HMG20A: variants seen among roughly 807,000 people sequenced by gnomAD.
The protein encoded by HMG20A is high mobility group 20A.
In HMG20A, 17 loss-of-function variants were observed where a neutral mutation model predicts 43.9. That is an observed-to-expected ratio of 0.39 (90% CI 0.27 to 0.58). The LOEUF (loss-of-function observed/expected upper bound fraction) is 0.58, where lower values mean the gene tolerates loss of function less well. HMG20A is among the 20% of genes least tolerant of loss of function. The probability of loss-of-function intolerance (pLI) is 0.59; values close to 1 mark genes in which losing one functional copy is unlikely to be tolerated. For synonymous variants in HMG20A, 132 were observed against 147.5 expected, an observed-to-expected ratio of 0.89 and a Z score of 0.76; for missense variants, 341 against 438.2, an observed-to-expected ratio of 0.78 and a Z score of 1.98.
the HMG20A span, among the ~76,000 whole-genome samples, chr15:77,499,081 C>T: frequency 6.6e-6 from 1 of 152,200 alleles, no homozygotes; most frequent in Non-Finnish European, 1.5e-5. Context: ...AGCTCTCAAT[C>T]TCCAAGTCTC....
At chr15:77,494,834 G>A in the HMG20A span, among the ~76,000 whole-genome samples, 4 of 152,218 alleles carry the variant, frequency 2.6e-5, no homozygotes, top group Non-Finnish European at 4.4e-5. Flanking sequence ...ACTCTAGCCT[G>A]AACACTGGTG....
intron 8 of HMG20A, 144 bp from the exon 9 acceptor site, chr15:77,479,035 C>A (rs763213715): frequency 1.3e-6 from 1 of 747,952 alleles, no homozygotes; most frequent in South Asian, 1.6e-5. Context: ...AATTTCATTT[C>A]TTTGAGATCT....
chr15:77,506,074 A>C, the HMG20A span, among the ~76,000 whole-genome samples: 1 of 112,602 alleles, frequency 8.9e-6, no homozygotes, highest in African/African-American at 5.3e-5. Flanking sequence ...TAGAGTTAGC[A>C]AAAAAAAAAA....
chr15:77,505,865 A>G, the HMG20A span, among the ~76,000 whole-genome samples: 21 of 152,318 alleles, frequency 1.4e-4, no homozygotes, highest in Admixed American at 1.2e-3. Flanking sequence ...TCCTTCTGCC[A>G]TACCACTCTC....
At chr15:77,466,052 C>T (rs1011638042) in intron 3 of HMG20A, among the ~76,000 whole-genome samples, 2 of 151,978 alleles carry the variant, frequency 1.3e-5, no homozygotes, top group South Asian at 2.1e-4. Context: ...TTTGATTTAC[C>T]TGGTAACTCA....
At chr15:77,469,819 C>A (rs1213365188) in intron 4 of HMG20A, among the ~76,000 whole-genome samples, 1 of 152,166 alleles carries the variant, frequency 6.6e-6, no homozygotes, top group Non-Finnish European at 1.5e-5. Flanking sequence ...AGGCGTGCAC[C>A]ATCACACCCA....
the HMG20A span, among the ~76,000 whole-genome samples, chr15:77,519,015 T>C: frequency 6.6e-6 from 1 of 152,160 alleles, no homozygotes; most frequent in South Asian, 2.1e-4. Context: ...CTGCAGGCAA[T>C]GTCTATACCC....
intron 1 of HMG20A, among the ~76,000 whole-genome samples, chr15:77,430,445 T>G (rs987830779): frequency 9.2e-5 from 14 of 152,250 alleles, no homozygotes; most frequent in Non-Finnish European, 1.8e-4. Context: ...ATCAGAGACC[T>G]GCTGAGGCAT....
chr15:77,437,229 A>C lies in HMG20A; in HGVS notation c.-5+16225A>C, dbSNP rs115208788. Among the ~76,000 whole-genome samples the C allele has an allele frequency of 1.4e-3, 218 of 152,314 alleles. 2 individuals are homozygous for C. Among genetic ancestry groups the C allele is most frequent in the African/African-American group, 5.1e-3 (211 of 41,562 alleles). ...GTTTATTTATTGGTATATTTGCTGA[A>C]CGTCTTTCATCTCCAACTGTAGTTT... On this transcript the variant is annotated intron_variant, in intron 1 of 9. Transcript: ENST00000336216.
At chr15:77,506,567 CAATT>C in the HMG20A span, among the ~76,000 whole-genome samples, 1 of 152,312 alleles carries the variant, frequency 6.6e-6, no homozygotes, top group African/African-American at 2.4e-5. Flanking sequence ...ACCTAGAACA[CAATT>C]TATTTTTCTC....
chr15:77,464,006 A>G (rs1301883185), intron 2 of HMG20A, among the ~76,000 whole-genome samples: 1 of 152,246 alleles, frequency 6.6e-6, no homozygotes, highest in Non-Finnish European at 1.5e-5. Context: ...AGAAGATTAT[A>G]GTTGTTTTTG....
At position 77,467,089 on chromosome 15, in the gene HMG20A, T is replaced by C. The variant is rs1191990872; in HGVS notation, c.238-6T>C. On this transcript the variant is annotated splice_polypyrimidine_tract_variant and splice_region_variant and intron_variant, in intron 3 of 9. Coordinates refer to ENST00000336216, the MANE Select transcript of HMG20A (RefSeq NM_001304504.2). ...TTTTGGTTTTTTATTTTGTTTTGTT[T>C]TGTAGCAACGAAGTAAACGAGGAGG... 2 of 1,609,360 alleles carry C rather than the reference T, an allele frequency of 1.2e-6. No homozygotes were observed. The highest frequency in any genetic ancestry group is 1.3e-5 in the African/African-American group (1 of 74,792).
intron 2 of HMG20A, among the ~76,000 whole-genome samples, chr15:77,463,684 A>G (rs538496451): frequency 1.1e-4 from 16 of 152,296 alleles, no homozygotes; most frequent in African/African-American, 3.6e-4. Flanking sequence ...TGATTTATTA[A>G]CATGTATACC....
chr15:77,459,604 A>G lies in HMG20A; in HGVS notation c.89+1108A>G, dbSNP rs184688406. ...AATAAAGACCTGAAGGAAATAAGGCAACTGGCATGCAGTTTTCTGGGGAAG... is the reference window on the plus strand; with the variant it reads ...AATAAAGACCTGAAGGAAATAAGGCGACTGGCATGCAGTTTTCTGGGGAAG... On this transcript the variant is annotated intron_variant, in intron 2 of 9. Coordinates refer to ENST00000336216, the MANE Select transcript of HMG20A (RefSeq NM_001304504.2). Among the ~76,000 whole-genome samples, 82 of 152,352 alleles carry G rather than the reference A, an allele frequency of 5.4e-4. No homozygotes were observed. In the Middle Eastern group the frequency reaches 0.01, roughly 19 times the overall value.
chr15:77,476,007 A>G (rs1166438513), intron 6 of HMG20A, among the ~76,000 whole-genome samples: 1 of 152,226 alleles, frequency 6.6e-6, no homozygotes, highest in Non-Finnish European at 1.5e-5. Flanking sequence ...CTGAAATTAC[A>G]TAGCTTTTCA....
At chr15:77,443,653 A>G (rs2073641014) in intron 1 of HMG20A, among the ~76,000 whole-genome samples, 1 of 151,226 alleles carries the variant, frequency 6.6e-6, no homozygotes, top group African/African-American at 2.4e-5. Context: ...CTGCTTCCCA[A>G]TACTTTGAAT....
intron 1 of HMG20A, among the ~76,000 whole-genome samples, chr15:77,421,840 A>G (rs2073356357): frequency 6.6e-6 from 1 of 152,204 alleles, no homozygotes; most frequent in Admixed American, 6.5e-5. Context: ...TACACGTAAC[A>G]TTTTTGAAAG....
At chr15:77,471,703 G>A in intron 5 of HMG20A, 80 bp from the exon 6 acceptor site, 1 of 857,476 alleles carries the variant, frequency 1.2e-6, no homozygotes, top group South Asian at 1.4e-5. Context: ...AGGTTTTATA[G>A]TTTGGCAGAG....
At chr15:77,431,668 C>A (rs183796754) in intron 1 of HMG20A, among the ~76,000 whole-genome samples, 186 of 152,228 alleles carry the variant, frequency 1.2e-3, no homozygotes, top group African/African-American at 4.4e-3. Flanking sequence ...TGAGCATCTA[C>A]TCTCTTAGCA....
Sources: allele counts gnomAD v4.1 joint callset (sites outside exome capture counted in the v4.1 genomes callset), GRCh38; gene constraint gnomAD v4.1.1; transcripts MANE v1.5; gene names NCBI Gene and HGNC (gene_info 2026-07-23, HGNC 2026-07-21).